GRIK1: variants seen among roughly 807,000 people sequenced by gnomAD.
GRIK1 encodes glutamate receptor ionotropic, kainate 1.
In GRIK1, 69 loss-of-function variants were observed where a neutral mutation model predicts 105.7. That is an observed-to-expected ratio of 0.65 (90% CI 0.54 to 0.80). The LOEUF (loss-of-function observed/expected upper bound fraction) is 0.80. GRIK1 is among the 30% of genes least tolerant of loss of function. The probability of loss-of-function intolerance (pLI) is 0.00; values close to 1 mark genes in which losing one functional copy is unlikely to be tolerated. For missense variants in GRIK1, 1,109 were observed against 1,167.3 expected (o/e 0.95, Z 0.73); for synonymous variants, 438 against 431.3 (o/e 1.02, Z -0.19).
At chr21:29,595,608 A>T (rs2061397954) in intron 9 of GRIK1, among the ~76,000 whole-genome samples, 1 of 152,182 alleles carries the variant, frequency 6.6e-6, no homozygotes, top group Non-Finnish European at 1.5e-5. Flanking sequence ...GATAATTTGA[A>T]AGATGAAAGT....
intron 1 of GRIK1, among the ~76,000 whole-genome samples, chr21:29,776,192 AT>A (rs2065940047): frequency 6.6e-6 from 1 of 152,228 alleles, no homozygotes; most frequent in Non-Finnish European, 1.5e-5. Flanking sequence ...CACACATGGG[AT>A]TATGAGGATT....
intron 1 of GRIK1, among the ~76,000 whole-genome samples, chr21:29,920,329 A>G (rs2071150675): frequency 6.6e-6 from 1 of 152,100 alleles, no homozygotes; most frequent in Admixed American, 6.6e-5. Flanking sequence ...AGGTATTAAT[A>G]AAGAGCTAAA....
intron 14 of GRIK1, among the ~76,000 whole-genome samples, chr21:29,567,526 TA>T (rs1485831959): frequency 6.6e-6 from 1 of 152,174 alleles, no homozygotes; most frequent in African/African-American, 2.4e-5. Flanking sequence ...ACATTAGAAA[TA>T]AGTTATTGAT....
intron 16 of GRIK1, among the ~76,000 whole-genome samples, chr21:29,542,601 G>C (rs188865764): frequency 4.6e-5 from 7 of 152,312 alleles, no homozygotes; most frequent in Admixed American, 4.6e-4. Context: ...ATATGGAATT[G>C]ACTTTCATAC....
chr21:29,537,916 T>A, intron 16 of GRIK1, 32 bp from the exon 17 acceptor site: 1 of 988,286 alleles, frequency 1.0e-6, no homozygotes. Context: ...AAAACAATTT[T>A]AAATTGTACA....
Position 29,651,225 on chromosome 21 carries a change from G to A in GRIK1, c.847C>T (p.Leu283Phe). 6.2e-7 allele frequency: 1 copy of A among 1,613,676 alleles called. No individual in the cohort carries two copies. The highest frequency in any genetic ancestry group is 2.2e-5 in the East Asian group (1 of 44,878). ...GACACGTGAGGGTTGTCAATGTTAA[G>A]CAGCCGAAACCCGGTCATGTTTACG... ...SGVNMTGFRLLNIDNPHVSSI... is the reference protein window; with the variant it reads ...SGVNMTGFRLFNIDNPHVSSI... The change falls in exon 6 of 18, where the codon CTT (leucine) becomes TTT (phenylalanine). Residue 283 changes from leucine (L) to phenylalanine (F), a missense_variant. Leu to Phe is a conservative substitution (Grantham distance 22). Transcript: ENST00000327783.
chr21:29,654,601 AAAAG>A (rs918184704), intron 5 of GRIK1, among the ~76,000 whole-genome samples: 2 of 149,978 alleles, frequency 1.3e-5, no homozygotes, highest in African/African-American at 5.0e-5. Flanking sequence ...AGTTAAAAGA[AAAAG>A]AAAGAAGGAA....
intron 1 of GRIK1, among the ~76,000 whole-genome samples, chr21:29,847,346 A>G (rs1217389751): frequency 6.6e-6 from 1 of 152,214 alleles, no homozygotes; most frequent in Non-Finnish European, 1.5e-5. Context: ...CTGCAATCCC[A>G]GCACTTTGGG....
At chr21:29,696,159 G>A (rs1010798249) in intron 1 of GRIK1, among the ~76,000 whole-genome samples, 1 of 152,144 alleles carries the variant, frequency 6.6e-6, no homozygotes, top group African/African-American at 2.4e-5. Context: ...AATTATTTTG[G>A]CTCCTTTTGG....
intron 1 of GRIK1, among the ~76,000 whole-genome samples, chr21:29,724,692 A>T (rs1326492901): frequency 6.6e-6 from 1 of 152,198 alleles, no homozygotes; most frequent in Admixed American, 6.5e-5. Context: ...TGAAATAAAT[A>T]CTTTCCCCAG....
intron 4 of GRIK1, among the ~76,000 whole-genome samples, chr21:29,663,223 T>C (rs2063000131): frequency 1.3e-5 from 2 of 152,336 alleles, no homozygotes; most frequent in South Asian, 4.1e-4. Flanking sequence ...GGAAAATTAA[T>C]AATTTGCACA....
intron 1 of GRIK1, among the ~76,000 whole-genome samples, chr21:29,785,081 C>T (rs370260371): frequency 2.6e-5 from 4 of 152,140 alleles, no homozygotes; most frequent in Admixed American, 2.0e-4. Context: ...AGAAATGGTT[C>T]CCTCCAATAC....
chr21:29,683,971 A>G (rs771490160), intron 3 of GRIK1, among the ~76,000 whole-genome samples: 1 of 152,134 alleles, frequency 6.6e-6, no homozygotes, highest in Non-Finnish European at 1.5e-5. Flanking sequence ...TATCCTCTTT[A>G]AATTTTTACT....
chr21:29,765,884 C>T (rs900945987), intron 1 of GRIK1, among the ~76,000 whole-genome samples: 1 of 151,176 alleles, frequency 6.6e-6, no homozygotes, highest in African/African-American at 2.4e-5. Flanking sequence ...CAGAATCTCG[C>T]TCTGTCACCC....
At chr21:29,665,373 G>A (rs191976157) in intron 4 of GRIK1, among the ~76,000 whole-genome samples, 22 of 152,262 alleles carry the variant, frequency 1.4e-4, no homozygotes, top group African/African-American at 5.1e-4. Context: ...ATATCAGCCT[G>A]AGAGAAACAT....
chr21:29,882,363 C>T (rs531414020), intron 1 of GRIK1, among the ~76,000 whole-genome samples: 2 of 152,034 alleles, frequency 1.3e-5, no homozygotes, highest in Non-Finnish European at 2.9e-5. Flanking sequence ...TAATATAGAA[C>T]CTTCTATTGC....
intron 4 of GRIK1, among the ~76,000 whole-genome samples, chr21:29,657,035 A>G (rs2062867939): frequency 6.6e-6 from 1 of 152,094 alleles, no homozygotes; most frequent in African/African-American, 2.4e-5. Context: ...ATGCATGGTG[A>G]GGTCTTGTTA....
At chr21:29,900,505 A>G (rs1400557157) in intron 1 of GRIK1, among the ~76,000 whole-genome samples, 2 of 149,532 alleles carry the variant, frequency 1.3e-5, no homozygotes, top group Non-Finnish European at 3.0e-5. Flanking sequence ...CTGGTCTCTG[A>G]TAAAACAGAC....
intron 1 of GRIK1, among the ~76,000 whole-genome samples, chr21:29,873,623 G>C (rs1296490946): frequency 6.6e-6 from 1 of 152,148 alleles, no homozygotes; most frequent in East Asian, 1.9e-4. Flanking sequence ...TGGTCACAAG[G>C]ACCTTTTTTA....
Sources: allele counts gnomAD v4.1 joint callset (sites outside exome capture counted in the v4.1 genomes callset), GRCh38; gene constraint gnomAD v4.1.1; transcripts MANE v1.5; gene names NCBI Gene and HGNC (gene_info 2026-07-23, HGNC 2026-07-21).